TOP3B: variants seen among roughly 807,000 people sequenced by gnomAD.
TOP3B encodes the protein DNA topoisomerase III beta.
Under a neutral mutation model 93.9 loss-of-function variants are expected in TOP3B, and 45 were observed. The observed-to-expected ratio is 0.48, with a 90% confidence interval of 0.38 to 0.61. TOP3B has a LOEUF of 0.61. TOP3B is among the 20% of genes least tolerant of loss of function. The pLI, the probability that TOP3B is intolerant of heterozygous loss-of-function variation, is 0.00. For missense variants in TOP3B, 750 were observed against 1,156.1 expected, an observed-to-expected ratio of 0.65 and a Z score of 5.09; for synonymous variants, 357 against 472.6, an observed-to-expected ratio of 0.76 and a Z score of 3.17.
chr22:21,971,733 T>C lies in TOP3B; in HGVS notation c.384+144A>G. 1.3e-6 allele frequency: 1 copy of C among 743,038 alleles called. No individual in the cohort carries two copies. Among genetic ancestry groups the C allele is most frequent in the Non-Finnish European group, 2.4e-6 (1 of 414,596 alleles). The allele number at this position is 743,038 out of a possible 1,614,324, so 46.0% of individuals were successfully genotyped here. Reference sequence around the variant, plus strand: ...TAAAAGTATCTGTGGAGTTTCAGAATAAAGGGAGGGGAGAGGTGTTTTTAA... The same window carrying C: ...TAAAAGTATCTGTGGAGTTTCAGAACAAAGGGAGGGGAGAGGTGTTTTTAA... On this transcript the variant is annotated intron_variant, in intron 5 of 17. Coordinates refer to ENST00000357179, the MANE Select transcript of TOP3B (RefSeq NM_001282112.2). The surrounding 1 kb of genome is among the most constrained non-coding windows in gnomAD (Gnocchi z 4.6).
At position 21,967,645 on chromosome 22, in the gene TOP3B, T is replaced by A; in HGVS notation, c.810A>T (p.Ala270=). The A allele has an allele frequency of 6.2e-7, 1 of 1,614,152 alleles. No individual in the cohort carries two copies. Residue 270 remains alanine (A), a synonymous_variant, in exon 8 of 18, where the codon GCA becomes GCT. Transcript: ENST00000357179. The part of the protein sequence containing the change: ...DRVRVFDREI[A]QMFLNMTKLE... ...GCTTTGTCATGTTTAAAAACATCTG[T>A]GCGATCTCCCGGTCAAACACTCTTA...
At chr22:21,969,970 A>C (rs1412640292) in intron 6 of TOP3B, 6 of 294,162 alleles carry the variant, frequency 2.0e-5, no homozygotes, top group African/African-American at 1.6e-4. Flanking sequence ...GGGTCTTGTT[A>C]TGCTGCCCAG....
intron 1 of TOP3B, among the ~76,000 whole-genome samples, chr22:21,980,044 A>G (rs1021582817): frequency 1.3e-5 from 2 of 152,098 alleles, no homozygotes; most frequent in Non-Finnish European, 2.9e-5. Context: ...CGTGGATCAG[A>G]TCACTGAAAT....
intron 3 of TOP3B, chr22:21,973,072 A>C: frequency 6.1e-6 from 2 of 329,124 alleles, no homozygotes; most frequent in Non-Finnish European, 5.8e-6. Flanking sequence ...TGAGCACTGG[A>C]CCCCACAATG....
Position 21,974,196 on chromosome 22 carries a change from G to A in TOP3B, c.202+161C>T, listed in dbSNP as rs549494017. 4.4e-5 allele frequency: 39 copies of A among 892,782 alleles called. No individual in the cohort carries two copies. The Middle Eastern group carries it at 1.5e-3, about 34-fold the overall frequency. The allele number at this position is 892,782 out of a possible 1,614,324, so 55.3% of individuals were successfully genotyped here. On this transcript the variant is annotated intron_variant, in intron 3 of 17. Coordinates refer to ENST00000357179, the MANE Select transcript of TOP3B (RefSeq NM_001282112.2). ...TTCCAGAGCCTGGGTTCTGGGCACCGCACCAGGGACCCTCTCATTGCTACT... is the reference window on the plus strand; with the variant it reads ...TTCCAGAGCCTGGGTTCTGGGCACCACACCAGGGACCCTCTCATTGCTACT...
At position 21,970,995 on chromosome 22, in the gene TOP3B, G is replaced by A. The variant is rs2071614678; in HGVS notation, c.385-589C>T. On this transcript the variant is annotated intron_variant, in intron 5 of 17. Coordinates refer to ENST00000357179, the MANE Select transcript of TOP3B (RefSeq NM_001282112.2). The surrounding 1 kb of genome is among the most constrained non-coding windows in gnomAD (Gnocchi z 4.4). The stretch of plus-strand genomic sequence containing the variant: ...CGAGACTCACTAGGAAGGCCGTGCA[G>A]TGGGACTAGGGTCGCCGCCGGAGCC... 3.1e-6 allele frequency: 4 copies of A among 1,286,664 alleles called. No homozygotes were observed. Among genetic ancestry groups the A allele is most frequent in the East Asian group, 5.7e-5 (1 of 17,520 alleles). 79.7% of individuals were successfully genotyped at this position (1,286,664 alleles called of 1,614,324 possible).
chr22:21,976,016 T>A (rs1018060272), intron 1 of TOP3B: 1 of 214,066 alleles, frequency 4.7e-6, no homozygotes, highest in Non-Finnish European at 9.2e-6. Flanking sequence ...ATCCTGGGAA[T>A]GTGGCTCCAT....
intron 15 of TOP3B, 163 bp downstream of exon 15, chr22:21,959,424 C>T (rs183867483): frequency 2.0e-6 from 3 of 1,492,480 alleles, no homozygotes; most frequent in Non-Finnish European, 2.7e-6. Context: ...GTTAATGCAC[C>T]TGCTCTTTCA....
rs1012122136 is a variant in TOP3B, at chr22:21,968,658, C to A, written c.699G>T (p.Gln233His). 1 of 1,614,216 alleles carries A rather than the reference C, an allele frequency of 6.2e-7. No individual in the cohort carries two copies. The highest frequency in any genetic ancestry group is 8.5e-7 in the Non-Finnish European group (1 of 1,180,054). Residue 233 changes from glutamine to histidine, a missense_variant, in exon 7 of 18, where the codon CAG becomes CAT. Gln to His is a conservative substitution (Grantham distance 24). Coordinates refer to ENST00000357179, the MANE Select transcript of TOP3B (RefSeq NM_001282112.2). ...CCCAGTAGGTCTCTGGTTTGAAGGA[C>A]TGGATTTTATCATGTCTCTCCACAC... ...GFCVERHDKI[Q>H]SFKPETYWVL...
intron 15 of TOP3B, 46 bp from the exon 16 acceptor site, chr22:21,959,278 G>A (rs776555913): frequency 6.2e-7 from 1 of 1,604,624 alleles, no homozygotes; most frequent in Non-Finnish European, 8.5e-7. Context: ...CCAGTCCCCA[G>A]CAAAAGGCTC....
rs566414711 is a variant in TOP3B, at chr22:21,964,035, G to C, written c.1099-7C>G. ...CTGCTAACAACCGCTTCACCTGAGG[G>C]AGAGAAGACAGAGCAGAGTCTGTGG... On this transcript the variant is annotated splice_region_variant and splice_polypyrimidine_tract_variant and intron_variant, in intron 10 of 17. Transcript: ENST00000357179. 4.4e-5 allele frequency: 71 copies of C among 1,604,982 alleles called. 1 individual carries two copies. The South Asian group carries it at 7.3e-4, about 17-fold the overall frequency.
chr22:21,972,096 G>C, intron 4 of TOP3B, 145 bp from the exon 5 acceptor site: 1 of 627,806 alleles, frequency 1.6e-6, no homozygotes, highest in Non-Finnish European at 2.7e-6. Flanking sequence ...TAAGGAGCTG[G>C]CTGTGTTGAG....
At position 21,967,585 on chromosome 22, in the gene TOP3B, TG is replaced by T. The variant is rs2071462932; in HGVS notation, c.852+17del. On this transcript the variant is annotated intron_variant, in intron 8 of 17. Coordinates refer to ENST00000357179, the MANE Select transcript of TOP3B (RefSeq NM_001282112.2). ...TCACCCAAGGCAACTGTGATAGATG[TG>T]GGTGGAGCAGGCACACCTGGGCTTC... 1.2e-6 allele frequency: 2 copies of T among 1,605,014 alleles called. No individual in the cohort carries two copies. Among genetic ancestry groups the T allele is most frequent in the Non-Finnish European group, 1.7e-6 (2 of 1,171,866 alleles).
At chr22:21,979,941 C>CAAAAAAAAA (rs57880095) in intron 1 of TOP3B, among the ~76,000 whole-genome samples, 1 of 53,442 alleles carries the variant, frequency 1.9e-5, no homozygotes, top group Admixed American at 2.1e-4. Context: ...ACTCCATCTC[C>CAAAAAAAAA]AAAAAAAAAA....
intron 8 of TOP3B, 158 bp from the exon 9 acceptor site, chr22:21,965,533 T>G (rs183000327): frequency 1.0e-4 from 46 of 442,838 alleles, no homozygotes; most frequent in Admixed American, 5.6e-4. Context: ...GAATATTTAT[T>G]CAGGACCAGG....
chr22:21,972,172 A>G (rs182717270), intron 4 of TOP3B: 1 of 548,724 alleles, frequency 1.8e-6, no homozygotes, highest in African/African-American at 1.9e-5. Flanking sequence ...AAAAAAAAGT[A>G]TAAATGCAAC....
chr22:21,961,950 T>G, intron 13 of TOP3B: 1 of 353,028 alleles, frequency 2.8e-6, no homozygotes, highest in Non-Finnish European at 4.6e-6. Context: ...GGCTGCCCAT[T>G]TTTGCGTGGA....
chr22:21,974,125 A>C, intron 3 of TOP3B: 1 of 422,838 alleles, frequency 2.4e-6, no homozygotes, highest in Non-Finnish European at 4.3e-6. Context: ...CACACAGGGA[A>C]TGCAGCGACT....
intron 9 of TOP3B, 169 bp from the exon 10 acceptor site, chr22:21,964,484 A>G (rs892021299): frequency 3.7e-5 from 26 of 708,592 alleles, no homozygotes; most frequent in Non-Finnish European, 5.6e-5. Context: ...GTGGGCACCT[A>G]TGCCACACAG....
Sources: gnomAD v4.1 joint callset for allele counts (sites outside exome capture counted in the v4.1 genomes callset) on GRCh38, gnomAD v4.1.1 for gene constraint, Gnocchi (gnomAD v3.1) non-coding constraint, MANE v1.5 for transcripts, NCBI Gene and HGNC (gene_info 2026-07-23, HGNC 2026-07-21) for gene names.